Variants in SYT11 observed in about 807,000 individuals in gnomAD.
SYT11 encodes synaptotagmin-11.
SYT11 carries 12 observed loss-of-function variants against 30.4 expected under a neutral mutation model. That is an observed-to-expected ratio of 0.39 (90% CI 0.25 to 0.64). The LOEUF (loss-of-function observed/expected upper bound fraction) is 0.64, where lower values mean the gene tolerates loss of function less well. Among genes scored for constraint, SYT11 ranks in the 30% least tolerant of loss-of-function variants. The probability of loss-of-function intolerance (pLI) is 0.45; values close to 1 mark genes in which losing one functional copy is unlikely to be tolerated. For missense variants in SYT11, 412 were observed against 552.0 expected (o/e 0.75, Z 2.54); for synonymous variants, 204 against 216.0 (o/e 0.94, Z 0.49).
chr1:155,876,904 G>A (rs1312265816), intron 2 of SYT11, among the ~76,000 whole-genome samples: 1 of 151,460 alleles, frequency 6.6e-6, no homozygotes, highest in Non-Finnish European at 1.5e-5. Flanking sequence ...TCCTGCCTCA[G>A]CCTCCTGAGT....
chr1:155,868,156 A>G lies in SYT11; in HGVS notation c.226A>G (p.Ile76Val). Residue 76 changes from isoleucine to valine, a missense_variant, in exon 2 of 4, where the codon ATC (isoleucine) becomes GTC (valine). Coordinates refer to ENST00000368324, the MANE Select transcript of SYT11 (RefSeq NM_152280.5). This position sits in a 1 kb window ranked among gnomAD's most constrained non-coding sequence, Gnocchi z 4.7. ...GACCCTCAGCAACAAGAAGAAAATC[A>G]TCAAAGTGCGGAGAGACAAAGATGG... The part of the protein sequence containing the change: ...PETLSNKKKI[I>V]KVRRDKDGPG... The G allele has an allele frequency of 6.2e-7, 1 of 1,614,110 alleles. No homozygotes were observed. Among genetic ancestry groups the G allele is most frequent in the Admixed American group, 1.7e-5 (1 of 60,006 alleles).
intron 3 of SYT11, 148 bp from the exon 4 acceptor site, chr1:155,881,050 A>C (rs891489983): frequency 1.6e-5 from 14 of 885,652 alleles, no homozygotes; most frequent in Non-Finnish European, 2.3e-5. Context: ...GTGTGTGTTT[A>C]TTGTGCAATC....
At chr1:155,862,607 G>A (rs748391674) in intron 1 of SYT11, among the ~76,000 whole-genome samples, 11 of 152,158 alleles carry the variant, frequency 7.2e-5, no homozygotes, top group Admixed American at 5.9e-4. Context: ...TTGATGCATT[G>A]TAAATATGTA....
intron 1 of SYT11, among the ~76,000 whole-genome samples, chr1:155,865,492 G>T (rs1672657028): frequency 6.6e-6 from 1 of 152,050 alleles, no homozygotes; most frequent in Admixed American, 6.5e-5. Context: ...GCCGGACATG[G>T]TGGCGCATGC....
At chr1:155,861,475 TTACATAC>T (rs1353702830) in intron 1 of SYT11, among the ~76,000 whole-genome samples, 1 of 152,256 alleles carries the variant, frequency 6.6e-6, no homozygotes, top group Non-Finnish European at 1.5e-5. Context: ...TATCAGCCTG[TTACATAC>T]TACATTTTAT....
rs778415556 is a variant in SYT11, at chr1:155,881,474, C to G, written c.1262C>G (p.Pro421Arg). 1 of 1,611,094 alleles carries G rather than the reference C, an allele frequency of 6.2e-7. No homozygotes were observed. Among genetic ancestry groups the G allele is most frequent in the African/African-American group, 1.3e-5 (1 of 74,866 alleles). ...GAGGTCTGCGAGAGCCCCCGCAAGC[C>G]TGTGGCCAAGTGGCACAGTCTGAGC... ...WREVCESPRKPVAKWHSLSEY is the reference protein window; with the variant it reads ...WREVCESPRKRVAKWHSLSEY Residue 421 changes from proline to arginine, a missense_variant, in exon 4 of 4, where the codon CCT becomes CGT. Physicochemically the swap from Pro to Arg is moderately radical, Grantham distance 103. Transcript: ENST00000368324.
At chr1:155,871,000 G>A (rs1393995209) in intron 2 of SYT11, among the ~76,000 whole-genome samples, 3 of 152,198 alleles carry the variant, frequency 2.0e-5, no homozygotes, top group South Asian at 2.1e-4. Flanking sequence ...GGTTTATTGA[G>A]GTTATGTTCA....
At position 155,879,404 on chromosome 1, in the gene SYT11, C is replaced by T. The variant is rs144192782; in HGVS notation, c.862-1096C>T. Among the ~76,000 whole-genome samples the T allele has an allele frequency of 5.8e-3, 878 of 151,876 alleles. 10 individuals are homozygous for T. The highest frequency in any genetic ancestry group is 0.02 in the African/African-American group (809 of 41,432). ...TGCACTCCAGCCTGGGCGACAAGAG[C>T]GAGCCTCTGTCTCAAAAAAAAAGTT... On this transcript the variant is annotated intron_variant, in intron 2 of 3. Transcript: ENST00000368324.
At chr1:155,879,106 GAAAATGTTCTTT>G (rs1471764193) in intron 2 of SYT11, among the ~76,000 whole-genome samples, 1 of 151,756 alleles carries the variant, frequency 6.6e-6, no homozygotes, top group Non-Finnish European at 1.5e-5. Context: ...CAGTGCCTAT[GAAAATGTTCTTT>G]AAAATGTTCT....
chr1:155,880,395 C>G, intron 2 of SYT11, 105 bp from the exon 3 acceptor site: 1 of 1,410,964 alleles, frequency 7.1e-7, no homozygotes. Context: ...AACTTATCAT[C>G]CCTGCACTTG....
At chr1:155,876,235 C>CT (rs67952920) in intron 2 of SYT11, among the ~76,000 whole-genome samples, 2,744 of 96,184 alleles carry the variant, frequency 0.029, 212 homozygotes, top group African/African-American at 0.082. Flanking sequence ...ACTCACCTCC[C>CT]TTTTTTTTTT....
rs1015442882 is a variant in SYT11, at chr1:155,882,280, C to T, written c.*772C>T. ...TCTGGAGAATTTCTCCCACTCCCCA[C>T]CTCTGCAGAAGAAAATTTTGCTCTT... On this transcript the variant is annotated 3_prime_UTR_variant, in exon 4 of 4. Coordinates refer to ENST00000368324, the MANE Select transcript of SYT11 (RefSeq NM_152280.5). 4.6e-5 allele frequency: 7 copies of T among 152,254 alleles called. No individual in the cohort carries two copies. The highest frequency in any genetic ancestry group is 1.7e-4 in the African/African-American group (7 of 41,412). The allele number at this position is 152,254 out of a possible 1,614,324, so 9.4% of individuals were successfully genotyped here.
At position 155,868,328 on chromosome 1, in the gene SYT11, G is replaced by A. The variant is rs780703175; in HGVS notation, c.398G>A (p.Arg133Lys). 3.1e-6 allele frequency: 5 copies of A among 1,614,018 alleles called. No homozygotes were observed. Among genetic ancestry groups the A allele is most frequent in the Non-Finnish European group, 4.2e-6 (5 of 1,179,990 alleles). The stretch of plus-strand genomic sequence containing the variant: ...AAAATGGACTATGGGGAAGAACTAA[G>A]GAGCCCTATTACAAGCCTGACCCCT... ...PIKMDYGEELRSPITSLTPGE... is the reference protein window; with the variant it reads ...PIKMDYGEELKSPITSLTPGE... The change falls in exon 2 of 4, where the codon AGG becomes AAG. Residue 133 changes from arginine to lysine, a missense_variant. Transcript: ENST00000368324. This position sits in a 1 kb window ranked among gnomAD's most constrained non-coding sequence, Gnocchi z 4.7.
intron 2 of SYT11, among the ~76,000 whole-genome samples, chr1:155,872,224 G>C (rs1672791402): frequency 6.6e-6 from 1 of 152,174 alleles, no homozygotes; most frequent in Non-Finnish European, 1.5e-5. Flanking sequence ...CTGCACTCCA[G>C]ACTGGGCAAC....
Position 155,868,613 on chromosome 1 carries a change from C to A in SYT11, c.683C>A (p.Thr228Asn). The A allele has an allele frequency of 6.2e-7, 1 of 1,614,166 alleles. No individual in the cohort carries two copies. Among genetic ancestry groups the A allele is most frequent in the Non-Finnish European group, 8.5e-7 (1 of 1,180,026 alleles). Residue 228 changes from threonine (T) to asparagine (N), a missense_variant, in exon 2 of 4, where the codon ACC becomes AAC. Physicochemically the swap from Thr to Asn is moderately conservative, Grantham distance 65 (BLOSUM62 0). Coordinates refer to ENST00000368324, the MANE Select transcript of SYT11 (RefSeq NM_152280.5). This position sits in a 1 kb window ranked among gnomAD's most constrained non-coding sequence, Gnocchi z 4.7. Reference sequence around the variant, plus strand: ...GACCCTGTGTTTGACGAGACCTTCACCTTCTATGGCATCCCCTACAGCCAG... The same window carrying A: ...GACCCTGTGTTTGACGAGACCTTCAACTTCTATGGCATCCCCTACAGCCAG... ...TLDPVFDETFTFYGIPYSQLQ... is the reference protein window; with the variant it reads ...TLDPVFDETFNFYGIPYSQLQ...
intron 1 of SYT11, 100 bp from the exon 2 acceptor site, chr1:155,867,865 T>C (rs1020401034): frequency 1.3e-5 from 12 of 933,642 alleles, no homozygotes; most frequent in South Asian, 6.7e-5. Context: ...AGAGGCTAGA[T>C]TGAAGATTAG....
rs183712081 is a variant in SYT11 at position 155,870,458 on chromosome 1, C to G, written c.861+1667C>G. On this transcript the variant is annotated intron_variant, in intron 2 of 3. Transcript: ENST00000368324. The stretch of plus-strand genomic sequence containing the variant: ...TGTAAATATTTATATTTTGTTTTGA[C>G]ACAGTGAAGGAAGACAAGGGAGGAA... 1.8e-4 allele frequency among the ~76,000 whole-genome samples: 27 copies of G among 152,276 alleles called. No homozygotes were observed. In the East Asian group the frequency reaches 5.0e-3, roughly 28 times the overall value.
chr1:155,881,071 A>G (rs879774317), intron 3 of SYT11, 127 bp from the exon 4 acceptor site: 60 of 1,014,092 alleles, frequency 5.9e-5, no homozygotes, highest in Non-Finnish European at 7.4e-5. Flanking sequence ...ACTAAAGAAC[A>G]CATGGGATGG....
intron 1 of SYT11, among the ~76,000 whole-genome samples, chr1:155,861,926 G>A (rs1188259092): frequency 6.6e-6 from 1 of 152,160 alleles, no homozygotes; most frequent in South Asian, 2.1e-4. Flanking sequence ...CCAATGCTAG[G>A]ATTTAAACCA....
Sources: allele counts gnomAD v4.1 joint callset (sites outside exome capture counted in the v4.1 genomes callset), GRCh38; gene constraint gnomAD v4.1.1; non-coding constraint Gnocchi (gnomAD v3.1); transcripts MANE v1.5; gene names NCBI Gene and HGNC (gene_info 2026-07-23, HGNC 2026-07-21).